Variants in FRY observed in about 807,000 individuals in gnomAD.
FRY encodes FRY microtubule binding protein, also known as protein furry homolog.
In FRY, 128 loss-of-function variants were observed where a neutral mutation model predicts 348.4. The observed-to-expected ratio is 0.37, with a 90% CI of 0.32 to 0.43. FRY has a LOEUF of 0.43. FRY is among the 20% of genes least tolerant of loss of function. The pLI is 1.00. For missense variants in FRY, 2,736 were observed against 3,695.2 expected (o/e 0.74, Z 6.73); for synonymous variants, 1,370 against 1,374.7 (o/e 1.00, Z 0.08).
intron 24 of FRY, among the ~76,000 whole-genome samples, 193 bp from the exon 25 acceptor site, chr13:32,184,407 G>GT (rs201572612): frequency 2.0e-3 from 297 of 149,716 alleles, no homozygotes; most frequent in African/African-American, 6.7e-3. Flanking sequence ...CACTTATGAT[G>GT]TTTTTTTTTC....
chr13:32,152,281 A>G (rs931827223), intron 14 of FRY, among the ~76,000 whole-genome samples: 1 of 152,230 alleles, frequency 6.6e-6, no homozygotes, highest in African/African-American at 2.4e-5. Flanking sequence ...TCCAAAATTT[A>G]TATGGAAAAT....
At chr13:32,163,285 A>G (rs987578128) in intron 17 of FRY, among the ~76,000 whole-genome samples, 1 of 152,226 alleles carries the variant, frequency 6.6e-6, no homozygotes, top group Admixed American at 6.5e-5. Flanking sequence ...TCTAACAGAC[A>G]TGGAGGAAGC....
At chr13:32,089,169 G>A (rs1258396423) in intron 2 of FRY, among the ~76,000 whole-genome samples, 3 of 152,104 alleles carry the variant, frequency 2.0e-5, no homozygotes, top group Non-Finnish European at 4.4e-5. Context: ...TAGCATTGTA[G>A]CAATTTTAAC....
At chr13:32,111,961 T>C in intron 3 of FRY, among the ~76,000 whole-genome samples, 1 of 152,194 alleles carries the variant, frequency 6.6e-6, no homozygotes, top group East Asian at 1.9e-4. Flanking sequence ...CAGACATTGC[T>C]CAGTGACCTC....
At chr13:32,169,993 G>A (rs1881961662) in intron 17 of FRY, among the ~76,000 whole-genome samples, 2 of 152,282 alleles carry the variant, frequency 1.3e-5, no homozygotes, top group South Asian at 4.2e-4. Context: ...GTCCTGTAGG[G>A]TGTCTTAGGA....
At chr13:32,223,647 G>C (rs1239965790) in intron 36 of FRY, among the ~76,000 whole-genome samples, 1 of 152,138 alleles carries the variant, frequency 6.6e-6, no homozygotes, top group Non-Finnish European at 1.5e-5. Context: ...TTAGCCAGCT[G>C]TGGTGGCACA....
intron 29 of FRY, among the ~76,000 whole-genome samples, chr13:32,199,092 C>G (rs1883855639): frequency 6.6e-6 from 1 of 152,184 alleles, no homozygotes; most frequent in Admixed American, 6.5e-5. Context: ...AGGGTGGGCC[C>G]TTGGGGTCAA....
intron 4 of FRY, among the ~76,000 whole-genome samples, chr13:32,120,766 A>T (rs892405730): frequency 6.6e-6 from 1 of 152,190 alleles, no homozygotes; most frequent in African/African-American, 2.4e-5. Flanking sequence ...GGTTCAAGTG[A>T]TTCTCCTGCC....
At chr13:32,040,237 T>C (rs1457569726) in intron 1 of FRY, among the ~76,000 whole-genome samples, 1 of 152,226 alleles carries the variant, frequency 6.6e-6, no homozygotes, top group African/African-American at 2.4e-5. Context: ...TGGTTTATTT[T>C]GTAAGTCAAA....
At chr13:32,164,189 AAGAAGTCTTC>A (rs1881603612) in intron 17 of FRY, among the ~76,000 whole-genome samples, 1 of 152,220 alleles carries the variant, frequency 6.6e-6, no homozygotes, top group Non-Finnish European at 1.5e-5. Flanking sequence ...AGTGCCACAC[AAGAAGTCTTC>A]AGTTACTTTA....
chr13:32,163,067 G>A (rs1416406709), intron 17 of FRY, among the ~76,000 whole-genome samples: 1 of 152,130 alleles, frequency 6.6e-6, no homozygotes, highest in Non-Finnish European at 1.5e-5. Context: ...TGAGTCACCC[G>A]GGATGAGGGC....
chr13:32,115,342 C>CTGAGA (rs1275964593), intron 3 of FRY, among the ~76,000 whole-genome samples: 2 of 152,178 alleles, frequency 1.3e-5, no homozygotes, highest in East Asian at 3.9e-4. Flanking sequence ...GCCATCTCTG[C>CTGAGA]TTCTCAGGCC....
intron 31 of FRY, among the ~76,000 whole-genome samples, chr13:32,206,245 G>C (rs1229709753): frequency 1.3e-5 from 2 of 152,106 alleles, no homozygotes; most frequent in Non-Finnish European, 2.9e-5. Context: ...TTTGCAGACT[G>C]GTCCGAGGAA....
At chr13:32,175,724 G>T in intron 20 of FRY, 92 bp downstream of exon 20, 4 of 783,704 alleles carry the variant, frequency 5.1e-6, no homozygotes, top group South Asian at 2.8e-5. Context: ...TAATTTGGGT[G>T]TTTATGTCAG....
At chr13:32,095,628 C>G (rs913654629) in intron 2 of FRY, among the ~76,000 whole-genome samples, 1 of 152,122 alleles carries the variant, frequency 6.6e-6, no homozygotes, top group Admixed American at 6.5e-5. Flanking sequence ...TAGGCGTGAG[C>G]CACCCTGCCT....
At chr13:32,162,515 C>T (rs1425416574) in intron 17 of FRY, among the ~76,000 whole-genome samples, 1 of 152,132 alleles carries the variant, frequency 6.6e-6, no homozygotes, top group Non-Finnish European at 1.5e-5. Context: ...CTGTTGATTA[C>T]CTCTTGCTAT....
chr13:32,162,300 C>T (rs1458720047), intron 17 of FRY, among the ~76,000 whole-genome samples: 1 of 152,156 alleles, frequency 6.6e-6, no homozygotes, highest in East Asian at 1.9e-4. Flanking sequence ...TGATGCATTA[C>T]ACATAGCCTG....
At chr13:32,268,497 A>AT (rs1351340927) in intron 55 of FRY, among the ~76,000 whole-genome samples, 23 of 15,426 alleles carry the variant, frequency 1.5e-3, no homozygotes, top group African/African-American at 3.2e-3. Flanking sequence ...AAAAAAAAAA[A>AT]AAAAAAAAAT....
intron 14 of FRY, among the ~76,000 whole-genome samples, chr13:32,152,713 G>A (rs1187164205): frequency 6.6e-6 from 1 of 151,984 alleles, no homozygotes; most frequent in Non-Finnish European, 1.5e-5. Flanking sequence ...CTTCAGGTGG[G>A]AAAAAATTTC....
Sources: gnomAD v4.1 joint callset for allele counts (sites outside exome capture counted in the v4.1 genomes callset) on GRCh38, gnomAD v4.1.1 for gene constraint, MANE v1.5 for transcripts, NCBI Gene and HGNC (gene_info 2026-07-23, HGNC 2026-07-21) for gene names.